The following PCDH9 variants were observed in gnomAD, a reference collection of about 807,000 sequenced individuals.
PCDH9 encodes the protein protocadherin-9.
PCDH9 carries 24 observed loss-of-function variants against 70.6 expected under a neutral mutation model. The ratio of observed to expected loss-of-function variants is 0.34; its 90% CI spans 0.25 to 0.48. The LOEUF (loss-of-function observed/expected upper bound fraction) is 0.48. Ranked by LOEUF, PCDH9 falls within the 20% of genes least tolerant of loss-of-function variation. The pLI, the probability that PCDH9 is intolerant of heterozygous loss-of-function variation, is 0.99. For synonymous variants in PCDH9, 562 were observed against 558.5 expected, an observed-to-expected ratio of 1.01 and a Z score of -0.09; for missense variants, 1,281 against 1,503.6, an observed-to-expected ratio of 0.85 and a Z score of 2.45.
At chr13:66,696,655 C>A (rs918845849) in intron 3 of PCDH9, among the ~76,000 whole-genome samples, 1 of 152,132 alleles carries the variant, frequency 6.6e-6, no homozygotes, top group African/African-American at 2.4e-5. Context: ...ATACACTATG[C>A]AACACTACTT....
chr13:67,171,576 T>C (rs551550760), intron 2 of PCDH9, among the ~76,000 whole-genome samples: 5 of 152,340 alleles, frequency 3.3e-5, no homozygotes, highest in African/African-American at 9.6e-5. Flanking sequence ...GTGACTGTAG[T>C]CATTTATCTC....
chr13:66,775,335 G>T (rs2079873839), intron 3 of PCDH9, among the ~76,000 whole-genome samples: 1 of 152,124 alleles, frequency 6.6e-6, no homozygotes, highest in East Asian at 1.9e-4. Context: ...AGCAAAACAA[G>T]GCTTTGTTAA....
intron 4 of PCDH9, among the ~76,000 whole-genome samples, chr13:66,551,188 T>G (rs981117158): frequency 6.6e-6 from 1 of 152,120 alleles, no homozygotes; most frequent in Non-Finnish European, 1.5e-5. Context: ...ATGTGTAACC[T>G]CCCTAAAACG....
intron 3 of PCDH9, among the ~76,000 whole-genome samples, chr13:66,826,103 AT>A (rs2080819612): frequency 6.6e-6 from 1 of 152,190 alleles, no homozygotes; most frequent in African/African-American, 2.4e-5. Context: ...TTCCATAATC[AT>A]TTTTATGGTG....
At chr13:67,173,858 G>A (rs764885635) in intron 2 of PCDH9, among the ~76,000 whole-genome samples, 2 of 152,070 alleles carry the variant, frequency 1.3e-5, no homozygotes, top group Admixed American at 6.6e-5. Flanking sequence ...AGAGTTGCAT[G>A]CATGAATTAT....
At chr13:66,886,212 C>A (rs1420499801) in intron 3 of PCDH9, 1 of 152,136 alleles carries the variant, frequency 6.6e-6, no homozygotes, top group Non-Finnish European at 1.5e-5. Context: ...TAAGCTCAAT[C>A]TCTGATCTGT....
intron 4 of PCDH9, among the ~76,000 whole-genome samples, chr13:66,570,628 C>T (rs73513893): frequency 0.072 from 10,894 of 152,088 alleles, 460 homozygotes; most frequent in South Asian, 0.15. Flanking sequence ...TTAAAAATCA[C>T]TTATAGAAGA....
chr13:66,566,313 A>G (rs1433124890), intron 4 of PCDH9, among the ~76,000 whole-genome samples: 2 of 152,188 alleles, frequency 1.3e-5, no homozygotes, highest in Non-Finnish European at 2.9e-5. Flanking sequence ...CAGACCAGCC[A>G]TAAGAATGCA....
At chr13:66,711,390 T>C (rs938097631) in intron 3 of PCDH9, among the ~76,000 whole-genome samples, 41 of 127,600 alleles carry the variant, frequency 3.2e-4, no homozygotes, top group African/African-American at 1.1e-3. Flanking sequence ...AGAAGAAAAT[T>C]GCAAAAAAAA....
intron 4 of PCDH9, among the ~76,000 whole-genome samples, chr13:66,461,111 A>G (rs1254328486): frequency 2.0e-5 from 3 of 151,826 alleles, no homozygotes; most frequent in African/African-American, 7.2e-5. Flanking sequence ...TGCCTTCAAA[A>G]TGCTAAAATA....
chr13:66,828,216 C>A (rs927331972), intron 3 of PCDH9, among the ~76,000 whole-genome samples: 4 of 152,038 alleles, frequency 2.6e-5, no homozygotes, highest in Admixed American at 6.5e-5. Context: ...AATCAGTAAC[C>A]TCACAGAATA....
At chr13:67,092,767 A>T (rs928090552) in intron 2 of PCDH9, among the ~76,000 whole-genome samples, 13 of 152,186 alleles carry the variant, frequency 8.5e-5, no homozygotes, top group Non-Finnish European at 1.9e-4. Context: ...CAGAGATTTT[A>T]CTTTCCAACT....
At chr13:66,610,690 A>G (rs1261500108) in intron 4 of PCDH9, among the ~76,000 whole-genome samples, 29 of 152,184 alleles carry the variant, frequency 1.9e-4, no homozygotes, top group Non-Finnish European at 1.2e-4. Flanking sequence ...TTCTGTAGCT[A>G]TTTCTTAAGC....
chr13:66,826,240 G>C (rs1390546048), intron 3 of PCDH9, among the ~76,000 whole-genome samples: 1 of 152,088 alleles, frequency 6.6e-6, no homozygotes, highest in Non-Finnish European at 1.5e-5. Flanking sequence ...CACAATGTCA[G>C]AAAAGAAACA....
chr13:66,861,329 C>G (rs1397082540), intron 3 of PCDH9, among the ~76,000 whole-genome samples: 1 of 152,140 alleles, frequency 6.6e-6, no homozygotes, highest in East Asian at 1.9e-4. Flanking sequence ...CCAAAATTAC[C>G]CTGATTGCAG....
chr13:66,849,798 C>CT (rs1377763149), intron 3 of PCDH9, among the ~76,000 whole-genome samples: 2 of 152,066 alleles, frequency 1.3e-5, no homozygotes, highest in Middle Eastern at 3.2e-3. Context: ...ATAGACGCTG[C>CT]TTTTATCACC....
At chr13:66,450,708 A>G (rs1958187848) in intron 4 of PCDH9, among the ~76,000 whole-genome samples, 1 of 152,154 alleles carries the variant, frequency 6.6e-6, no homozygotes. Context: ...TAGCTTAGGA[A>G]AGTAATGGGT....
intron 2 of PCDH9, chr13:67,201,709 C>T (rs973293912): frequency 6.6e-6 from 1 of 151,966 alleles, no homozygotes; most frequent in Non-Finnish European, 1.5e-5. Flanking sequence ...ACCTGCTCTG[C>T]AACATACATA....
intron 4 of PCDH9, among the ~76,000 whole-genome samples, chr13:66,505,017 C>T (rs564212755): frequency 1.3e-5 from 2 of 152,218 alleles, no homozygotes; most frequent in African/African-American, 4.8e-5. Flanking sequence ...TACACCTTTT[C>T]CATATTATAT....
Sources: gnomAD v4.1 joint callset for allele counts (sites outside exome capture counted in the v4.1 genomes callset) on GRCh38, gnomAD v4.1.1 for gene constraint, MANE v1.5 for transcripts, NCBI Gene and HGNC (gene_info 2026-07-23, HGNC 2026-07-21) for gene names.